Variants in NRG3 observed in about 807,000 individuals in gnomAD.
NRG3 encodes the protein neuregulin 3, also known as pro-neuregulin-3, membrane-bound isoform.
A neutral mutation model predicts 66.9 loss-of-function variants in NRG3; 31 were observed. The ratio of observed to expected loss-of-function variants is 0.46; its 90% CI spans 0.35 to 0.63. The LOEUF (loss-of-function observed/expected upper bound fraction) is 0.63, where lower values mean the gene tolerates loss of function less well. NRG3 is among the 20% of genes least tolerant of loss of function. The pLI, the probability that NRG3 is intolerant of heterozygous loss-of-function variation, is 0.00. For synonymous variants in NRG3, 393 were observed against 359.4 expected (o/e 1.09, Z -1.06); for missense variants, 910 against 878.9 (o/e 1.04, Z -0.45).
chr10:82,092,277 G>A (rs1299949905), intron 1 of NRG3, among the ~76,000 whole-genome samples: 1 of 152,100 alleles, frequency 6.6e-6, no homozygotes, highest in Non-Finnish European at 1.5e-5. Context: ...TGACTTCAAA[G>A]CATTTGGCTG....
At chr10:82,274,763 CTA>C (rs2078760919) in intron 1 of NRG3, among the ~76,000 whole-genome samples, 1 of 151,944 alleles carries the variant, frequency 6.6e-6, no homozygotes, top group Admixed American at 6.6e-5. Flanking sequence ...TTTGTTGTCC[CTA>C]TGTTTTTGCA....
At chr10:82,502,924 A>G (rs553334623) in intron 2 of NRG3, among the ~76,000 whole-genome samples, 1 of 152,296 alleles carries the variant, frequency 6.6e-6, no homozygotes, top group Admixed American at 6.5e-5. Context: ...CTTATTTAAA[A>G]TGTTATTCTG....
chr10:82,228,391 A>G (rs2076274317), intron 1 of NRG3, among the ~76,000 whole-genome samples: 2 of 152,196 alleles, frequency 1.3e-5, no homozygotes, highest in African/African-American at 4.8e-5. Context: ...AGAGAAAAAT[A>G]ACTAAATCAC....
intron 2 of NRG3, among the ~76,000 whole-genome samples, chr10:82,361,435 G>A (rs1445190549): frequency 2.0e-5 from 3 of 152,124 alleles, no homozygotes; most frequent in Admixed American, 2.0e-4. Context: ...CATCTCTCAA[G>A]CTTTGCTGTG....
At chr10:82,897,795 C>T (rs1843808575) in intron 4 of NRG3, among the ~76,000 whole-genome samples, 4 of 152,170 alleles carry the variant, frequency 2.6e-5, no homozygotes, top group Admixed American at 2.6e-4. Flanking sequence ...GCCGGGATTA[C>T]AGGCATAAGC....
At chr10:82,723,264 G>A (rs950363781) in intron 2 of NRG3, among the ~76,000 whole-genome samples, 6 of 152,094 alleles carry the variant, frequency 3.9e-5, no homozygotes, top group African/African-American at 1.4e-4. Flanking sequence ...ACTGAACAAT[G>A]GGTTTACATG....
intron 2 of NRG3, among the ~76,000 whole-genome samples, chr10:82,493,751 T>C (rs1274076838): frequency 6.6e-6 from 1 of 152,168 alleles, no homozygotes; most frequent in Non-Finnish European, 1.5e-5. Flanking sequence ...ACAAATGGGA[T>C]CTCATTACAT....
chr10:82,549,077 C>A (rs1163482106), intron 2 of NRG3, among the ~76,000 whole-genome samples: 1 of 152,128 alleles, frequency 6.6e-6, no homozygotes, highest in Non-Finnish European at 1.5e-5. Context: ...ACCTTCACTC[C>A]AGCATTTACA....
chr10:82,058,372 C>G (rs1740986119), intron 1 of NRG3, among the ~76,000 whole-genome samples: 1 of 151,858 alleles, frequency 6.6e-6, no homozygotes, highest in Non-Finnish European at 1.5e-5. Flanking sequence ...TGATTCCATG[C>G]TTAGAAAATT....
At chr10:82,480,095 A>G (rs1842138346) in intron 2 of NRG3, among the ~76,000 whole-genome samples, 1 of 152,268 alleles carries the variant, frequency 6.6e-6, no homozygotes, top group African/African-American at 2.4e-5. Context: ...AAAGAAGCCA[A>G]ACTCGAAAGA....
intron 2 of NRG3, among the ~76,000 whole-genome samples, chr10:82,644,814 G>C (rs1419892383): frequency 6.6e-6 from 1 of 152,096 alleles, no homozygotes; most frequent in East Asian, 1.9e-4. Context: ...AGAAAAGTAT[G>C]CTAAGACATT....
chr10:82,036,775 C>A (rs1010426847), intron 1 of NRG3, among the ~76,000 whole-genome samples: 1 of 152,070 alleles, frequency 6.6e-6, no homozygotes. Flanking sequence ...ACATCTATAA[C>A]TAAATTCTGA....
intron 3 of NRG3, among the ~76,000 whole-genome samples, chr10:82,843,466 A>G (rs2063160654): frequency 6.6e-6 from 1 of 152,218 alleles, no homozygotes; most frequent in Non-Finnish European, 1.5e-5. Flanking sequence ...ATCGTAAATT[A>G]CACAGTCTGC....
At position 82,141,781 on chromosome 10, in the gene NRG3, A is replaced by G. The variant is rs528165557; in HGVS notation, c.824-216958A>G. On this transcript the variant is annotated intron_variant, in intron 1 of 8. Coordinates refer to ENST00000372141, the MANE Select transcript of NRG3 (RefSeq NM_001010848.4). ...TAGAATTAGGTAAGTAACTTTTTTG[A>G]TAAGCATTTACATTCTTAAGATGTG... Among the ~76,000 whole-genome samples the G allele has an allele frequency of 1.2e-4, 18 of 152,300 alleles. 1 individual carries two copies. The South Asian group carries it at 3.1e-3, about 26-fold the overall frequency.
chr10:82,524,915 TA>T (rs1183392795), intron 2 of NRG3, among the ~76,000 whole-genome samples: 2 of 151,892 alleles, frequency 1.3e-5, no homozygotes, highest in African/African-American at 4.8e-5. Flanking sequence ...GCTGTAATTT[TA>T]TTTCTTCTCC....
intron 2 of NRG3, among the ~76,000 whole-genome samples, chr10:82,397,228 C>T (rs2086771408): frequency 6.6e-6 from 1 of 152,186 alleles, no homozygotes; most frequent in African/African-American, 2.4e-5. Context: ...AGACTATTGC[C>T]TCCACAGCCT....
At chr10:82,631,911 G>A (rs766907451) in intron 2 of NRG3, among the ~76,000 whole-genome samples, 2 of 151,942 alleles carry the variant, frequency 1.3e-5, no homozygotes, top group Admixed American at 6.6e-5. Flanking sequence ...AGACCAGCCC[G>A]GCCAACATGG....
intron 2 of NRG3, among the ~76,000 whole-genome samples, chr10:82,682,816 T>C (rs775987110): frequency 3.9e-5 from 6 of 152,140 alleles, no homozygotes; most frequent in Non-Finnish European, 8.8e-5. Flanking sequence ...ATCTATGATT[T>C]CTAGCTTCAG....
chr10:82,288,086 G>T (rs2079525243), intron 1 of NRG3, among the ~76,000 whole-genome samples: 1 of 152,168 alleles, frequency 6.6e-6, no homozygotes, highest in Non-Finnish European at 1.5e-5. Flanking sequence ...ATTCCTTTAT[G>T]ATTACCAGGA....
Sources: allele counts gnomAD v4.1 joint callset (sites outside exome capture counted in the v4.1 genomes callset), GRCh38; gene constraint gnomAD v4.1.1; transcripts MANE v1.5; gene names NCBI Gene and HGNC (gene_info 2026-07-23, HGNC 2026-07-21).